The following SCUBE1 variants were observed in gnomAD, a reference collection of about 807,000 sequenced individuals.
The protein encoded by SCUBE1 is signal peptide, CUB domain and EGF like domain containing 1, also known as signal peptide, CUB and EGF-like domain-containing protein 1.
In SCUBE1, 59 loss-of-function variants were observed where a neutral mutation model predicts 124.4. The ratio of observed to expected loss-of-function variants is 0.47; its 90% CI spans 0.38 to 0.59. SCUBE1 has a LOEUF of 0.59. Among genes scored for constraint, SCUBE1 ranks in the 20% least tolerant of loss-of-function variants. The pLI, the probability that SCUBE1 is intolerant of heterozygous loss-of-function variation, is 0.00. For missense variants in SCUBE1, 1,150 were observed against 1,371.2 expected, an observed-to-expected ratio of 0.84 and a Z score of 2.55; for synonymous variants, 545 against 550.9, an observed-to-expected ratio of 0.99 and a Z score of 0.15.
chr22:43,284,190 C>G lies in SCUBE1; in HGVS notation c.484+6856G>C, dbSNP rs199758438. ...AAGCGTTTGCTTTTAGGCCAGAGGT[C>G]TGGGGACATTCAGTGTGGGGATAAA... On this transcript the variant is annotated intron_variant, in intron 4 of 21. Transcript: ENST00000360835. 9.8e-5 allele frequency among the ~76,000 whole-genome samples: 15 copies of G among 152,354 alleles called. No individual in the cohort carries two copies. The East Asian group carries it at 2.5e-3, about 25-fold the overall frequency.
chr22:43,256,053 T>C (rs953994826), intron 6 of SCUBE1, among the ~76,000 whole-genome samples: 1 of 152,164 alleles, frequency 6.6e-6, no homozygotes. Context: ...GATGGATGCA[T>C]TGAGACAGCA....
rs764601998 is a variant in SCUBE1 at position 43,220,543 on chromosome 22, T to C, written c.1594A>G (p.Lys532Glu). ...GACTTGCGGCCACGGCGCCTCTTCT[T>C]GGAGGAGTCACACTTGAGGGTCACG... Reference protein sequence around the residue: ...TFVTLKCDSSKKRRRGRKSPS... With the variant: ...TFVTLKCDSSEKRRRGRKSPS... The change falls in exon 14 of 22, where the codon AAG becomes GAG. Residue 532 changes from lysine (K) to glutamate (E), a missense_variant. Lys to Glu is a moderately conservative substitution (Grantham distance 56). Coordinates refer to ENST00000360835, the MANE Select transcript of SCUBE1 (RefSeq NM_173050.5). 3.5e-5 allele frequency: 57 copies of C among 1,613,962 alleles called. No homozygotes were observed. Among genetic ancestry groups the C allele is most frequent in the Non-Finnish European group, 4.6e-5 (54 of 1,180,026 alleles).
At chr22:43,226,792 C>A (rs1922336300) in intron 10 of SCUBE1, among the ~76,000 whole-genome samples, 1 of 152,104 alleles carries the variant, frequency 6.6e-6, no homozygotes, top group Non-Finnish European at 1.5e-5. Context: ...GACAGGGTCC[C>A]ATGTACAGGG....
intron 6 of SCUBE1, among the ~76,000 whole-genome samples, chr22:43,248,919 C>A (rs1302578247): frequency 6.6e-6 from 1 of 152,204 alleles, no homozygotes; most frequent in Non-Finnish European, 1.5e-5. Context: ...GCTGAGCCAA[C>A]TAGCCTCACC....
chr22:43,251,581 C>T (rs1303269241), intron 6 of SCUBE1, among the ~76,000 whole-genome samples: 4 of 152,026 alleles, frequency 2.6e-5, no homozygotes, highest in Admixed American at 6.6e-5. Flanking sequence ...AGGACTGGGG[C>T]GGGTCAGGCT....
intron 16 of SCUBE1, 159 bp from the exon 17 acceptor site, chr22:43,212,751 C>T (rs1464279860): frequency 8.6e-6 from 6 of 701,556 alleles, no homozygotes; most frequent in East Asian, 2.8e-5. Flanking sequence ...ACGCAGCAGC[C>T]GGGGTGCAGG....
rs981549190 is a variant in SCUBE1, at chr22:43,258,331, G to T, written c.615C>A (p.Thr205=). Residue 205 remains threonine, a synonymous_variant, in exon 6 of 22, where the codon ACC becomes ACA. Transcript: ENST00000360835. The surrounding 1 kb of genome is among the most constrained non-coding windows in gnomAD (Gnocchi z 5.0). The part of the protein sequence containing the change: ...LAQNQKDCTL[T]CNYGNGGCQH... ...GGCAGCCTCCGTTTCCATAATTACA[G>T]GTTACTAGTTAGGCCCAAAGTGTAC... 1.2e-6 allele frequency: 2 copies of T among 1,611,724 alleles called. No homozygotes were observed. The highest frequency in any genetic ancestry group is 3.3e-5 in the Admixed American group (2 of 60,022).
At chr22:43,212,853 G>A (rs931084696) in intron 16 of SCUBE1, among the ~76,000 whole-genome samples, 1 of 152,204 alleles carries the variant, frequency 6.6e-6, no homozygotes, top group Non-Finnish European at 1.5e-5. Context: ...AAGGCCTGGG[G>A]GTTGAAGAGC....
At chr22:43,221,396 G>A in intron 12 of SCUBE1, 107 bp from the exon 13 acceptor site, 2 of 687,310 alleles carry the variant, frequency 2.9e-6, no homozygotes, top group South Asian at 3.3e-5. Flanking sequence ...TGGGGGTGGG[G>A]CTTGATCTGA....
chr22:43,239,828 C>T (rs1441419080), intron 6 of SCUBE1, among the ~76,000 whole-genome samples: 1 of 152,180 alleles, frequency 6.6e-6, no homozygotes, highest in African/African-American at 2.4e-5. Flanking sequence ...CCAATGGGCG[C>T]CCATCTCTTA....
chr22:43,289,039 T>C (rs375477130), intron 4 of SCUBE1, among the ~76,000 whole-genome samples: 8 of 152,234 alleles, frequency 5.3e-5, no homozygotes, highest in South Asian at 2.1e-4. Flanking sequence ...CACACCCTTC[T>C]TTCAACCAGG....
intron 19 of SCUBE1, among the ~76,000 whole-genome samples, chr22:43,209,288 T>C (rs1413351669): frequency 6.6e-6 from 1 of 152,088 alleles, no homozygotes; most frequent in Non-Finnish European, 1.5e-5. Context: ...GGTGTCTGGG[T>C]TCCTGCTCTT....
intron 6 of SCUBE1, among the ~76,000 whole-genome samples, chr22:43,251,206 G>A (rs1012456583): frequency 7.9e-5 from 12 of 152,220 alleles, no homozygotes; most frequent in Non-Finnish European, 1.8e-4. Context: ...CACAGCTGGG[G>A]CAGCCAGCGG....
intron 15 of SCUBE1, among the ~76,000 whole-genome samples, chr22:43,216,867 A>G (rs1057464489): frequency 3.6e-5 from 1 of 27,412 alleles, no homozygotes. Flanking sequence ...CCCCCCACCC[A>G]CCCCCCGCCA....
At chr22:43,318,837 C>A (rs1926441949) in intron 3 of SCUBE1, among the ~76,000 whole-genome samples, 1 of 152,172 alleles carries the variant, frequency 6.6e-6, no homozygotes, top group Admixed American at 6.5e-5. Flanking sequence ...TCAAGTGACC[C>A]TCCTACCTCA....
intron 3 of SCUBE1, among the ~76,000 whole-genome samples, chr22:43,298,106 C>T (rs756355345): frequency 1.3e-5 from 2 of 152,236 alleles, no homozygotes; most frequent in Non-Finnish European, 2.9e-5. Context: ...GGCTATCTAG[C>T]GGCTCTTGCA....
At chr22:43,317,094 A>C (rs1308407316) in intron 3 of SCUBE1, 2 of 152,188 alleles carry the variant, frequency 1.3e-5, no homozygotes, top group Non-Finnish European at 2.9e-5. Context: ...CAGTGGTTCC[A>C]CTTTTGTGAA....
At chr22:43,316,507 G>C (rs562665164) in intron 3 of SCUBE1, among the ~76,000 whole-genome samples, 49 of 152,336 alleles carry the variant, frequency 3.2e-4, no homozygotes, top group African/African-American at 1.1e-3. Context: ...ACTCTTGGAA[G>C]ATACTTCACC....
chr22:43,212,654 T>G, intron 16 of SCUBE1, 62 bp from the exon 17 acceptor site: 2 of 1,474,432 alleles, frequency 1.4e-6, no homozygotes, highest in African/African-American at 2.8e-5. Flanking sequence ...AGGCTGTGGG[T>G]GGTCTCAGGC....
Sources: gnomAD v4.1 joint callset for allele counts (sites outside exome capture counted in the v4.1 genomes callset) on GRCh38, gnomAD v4.1.1 for gene constraint, Gnocchi (gnomAD v3.1) non-coding constraint, MANE v1.5 for transcripts, NCBI Gene and HGNC (gene_info 2026-07-23, HGNC 2026-07-21) for gene names.